Variants in CLVS1 observed in about 807,000 individuals in gnomAD.
The protein encoded by CLVS1 is clavesin 1.
In CLVS1, 10 loss-of-function variants were observed where a neutral mutation model predicts 33.1. The observed-to-expected ratio is 0.30, with a 90% CI of 0.19 to 0.51. CLVS1 has a LOEUF of 0.51. Among genes scored for constraint, CLVS1 ranks in the 20% least tolerant of loss-of-function variants. The pLI, the probability that CLVS1 is intolerant of heterozygous loss-of-function variation, is 0.97. For missense variants in CLVS1, 343 were observed against 433.4 expected, an observed-to-expected ratio of 0.79 and a Z score of 1.85; for synonymous variants, 163 against 166.1, an observed-to-expected ratio of 0.98 and a Z score of 0.14.
intron 3 of CLVS1, among the ~76,000 whole-genome samples, chr8:61,418,173 T>C (rs2129604462): frequency 6.6e-6 from 1 of 152,308 alleles, no homozygotes; most frequent in South Asian, 2.1e-4. Flanking sequence ...GAATTGCTGG[T>C]CTCAACCTCA....
At chr8:60,967,528 G>T in the CLVS1 span, 3 of 397,144 alleles carry the variant, frequency 7.6e-6, no homozygotes, top group South Asian at 5.5e-5. Flanking sequence ...CAGCAGAAGG[G>T]GACGGCTTGA....
At chr8:61,369,804 C>T (rs184823530) in intron 2 of CLVS1, among the ~76,000 whole-genome samples, 145 of 152,180 alleles carry the variant, frequency 9.5e-4, no homozygotes, top group Middle Eastern at 3.4e-3. Flanking sequence ...AAGTACAGGC[C>T]CTTTTGCCAG....
At position 61,495,313 on chromosome 8, in the gene CLVS1, C is replaced by T. The variant is rs373034185; in HGVS notation, c.978-4142C>T. Among the ~76,000 whole-genome samples, 47 of 152,302 alleles carry T rather than the reference C, an allele frequency of 3.1e-4. No homozygotes were observed. In the East Asian group the frequency reaches 7.3e-3, roughly 24 times the overall value. ...TGTTTGTGGGTCTATGGCTGGATAACTGAAGCAGTGTTTCCACAAAAGCAT... is the reference window on the plus strand; with the variant it reads ...TGTTTGTGGGTCTATGGCTGGATAATTGAAGCAGTGTTTCCACAAAAGCAT... On this transcript the variant is annotated intron_variant, in intron 5 of 5. Coordinates refer to ENST00000325897, the MANE Select transcript of CLVS1 (RefSeq NM_173519.3).
intron 2 of CLVS1, among the ~76,000 whole-genome samples, chr8:61,376,216 G>A (rs748499401): frequency 5.9e-5 from 9 of 152,118 alleles, no homozygotes; most frequent in Non-Finnish European, 1.3e-4. Flanking sequence ...CATTGTACTG[G>A]GGAAACAACT....
At chr8:61,235,845 G>T (rs912737037) in intron 2 of CLVS1, among the ~76,000 whole-genome samples, 13 of 152,190 alleles carry the variant, frequency 8.5e-5, no homozygotes, top group African/African-American at 3.1e-4. Context: ...TTAGGGCCAA[G>T]ATCATTTGAG....
chr8:61,072,225 T>G (rs1804809532), intron 1 of CLVS1, among the ~76,000 whole-genome samples: 1 of 152,212 alleles, frequency 6.6e-6, no homozygotes, highest in Non-Finnish European at 1.5e-5. Context: ...CTGGAGAGAT[T>G]TTCTTGAGGC....
At chr8:61,282,849 T>A (rs1809701264) in intron 2 of CLVS1, among the ~76,000 whole-genome samples, 1 of 152,170 alleles carries the variant, frequency 6.6e-6, no homozygotes, top group Non-Finnish European at 1.5e-5. Context: ...GAATGAAAAG[T>A]TGCAGGAACA....
intron 3 of CLVS1, among the ~76,000 whole-genome samples, chr8:61,414,204 G>A (rs921097440): frequency 7.9e-5 from 12 of 152,190 alleles, no homozygotes; most frequent in African/African-American, 2.9e-4. Context: ...AGAAAACTGA[G>A]TGTATGATAA....
chr8:61,445,525 G>A (rs1816726579), intron 3 of CLVS1, among the ~76,000 whole-genome samples: 1 of 152,064 alleles, frequency 6.6e-6, no homozygotes, highest in Admixed American at 6.6e-5. Flanking sequence ...ATGAGTGGAA[G>A]CTCCCTGAAG....
At chr8:61,170,660 C>T (rs956454809) in intron 2 of CLVS1, among the ~76,000 whole-genome samples, 1 of 152,142 alleles carries the variant, frequency 6.6e-6, no homozygotes, top group Non-Finnish European at 1.5e-5. Flanking sequence ...CCTTGACATC[C>T]TTACTGGAAA....
intron 5 of CLVS1, among the ~76,000 whole-genome samples, chr8:61,463,775 A>G (rs546177052): frequency 6.6e-6 from 1 of 152,228 alleles, no homozygotes; most frequent in East Asian, 1.9e-4. Flanking sequence ...TAAGAATAAT[A>G]AAAAGTTTGG....
chr8:61,173,617 A>G (rs4738873), intron 2 of CLVS1, among the ~76,000 whole-genome samples: 116,226 of 152,074 alleles, frequency 0.76, 45,506 homozygotes, highest in Middle Eastern at 0.93. Flanking sequence ...AAGATCATTC[A>G]GGGGAAGGAG....
At chr8:61,035,563 G>A in the CLVS1 span, among the ~76,000 whole-genome samples, 5 of 152,208 alleles carry the variant, frequency 3.3e-5, no homozygotes, top group Non-Finnish European at 5.9e-5. Context: ...TGCATTGTCC[G>A]GGCATGGCCA....
chr8:61,152,967 C>T (rs938336495), intron 2 of CLVS1, among the ~76,000 whole-genome samples: 3 of 152,068 alleles, frequency 2.0e-5, no homozygotes, highest in Admixed American at 6.6e-5. Flanking sequence ...GAATTCGAGA[C>T]CAGCCCTGGG....
chr8:61,193,304 G>T (rs1404985087), intron 2 of CLVS1, among the ~76,000 whole-genome samples: 1 of 152,102 alleles, frequency 6.6e-6, no homozygotes, highest in African/African-American at 2.4e-5. Context: ...CTCACTCATA[G>T]GTGGGAATGG....
chr8:61,061,899 AT>A (rs1563388631), intron 1 of CLVS1, among the ~76,000 whole-genome samples: 2 of 151,954 alleles, frequency 1.3e-5, no homozygotes, highest in South Asian at 4.2e-4. Flanking sequence ...GCACCTGGGC[AT>A]TTTTATCTTT....
intron 1 of CLVS1, among the ~76,000 whole-genome samples, chr8:61,093,402 G>A (rs1426580272): frequency 6.6e-6 from 1 of 152,174 alleles, no homozygotes; most frequent in Non-Finnish European, 1.5e-5. Flanking sequence ...GGCCAAGTGA[G>A]GTGAGTGTGG....
At chr8:61,468,575 A>C (rs906996427) in intron 5 of CLVS1, among the ~76,000 whole-genome samples, 1 of 152,156 alleles carries the variant, frequency 6.6e-6, no homozygotes, top group African/African-American at 2.4e-5. Flanking sequence ...GGAGCAATTT[A>C]AGTTCATGGA....
chr8:61,000,786 A>T, the CLVS1 span, among the ~76,000 whole-genome samples: 1 of 152,160 alleles, frequency 6.6e-6, no homozygotes, highest in South Asian at 2.1e-4. Flanking sequence ...TTGACCCTTC[A>T]CAGTGACTGA....
Sources: gnomAD v4.1 joint callset for allele counts (sites outside exome capture counted in the v4.1 genomes callset) on GRCh38, gnomAD v4.1.1 for gene constraint, MANE v1.5 for transcripts, NCBI Gene and HGNC (gene_info 2026-07-23, HGNC 2026-07-21) for gene names.